Variants in PREPL observed in about 807,000 individuals in gnomAD.
PREPL encodes the protein prolyl endopeptidase-like.
PREPL carries 77 observed loss-of-function variants against 70.6 expected under a neutral mutation model. The observed-to-expected ratio is 1.09, with a 90% confidence interval of 0.91 to 1.32. The LOEUF is 1.32. Among genes scored for constraint, PREPL ranks in the 40% most tolerant of loss-of-function variants. The pLI is 0.00. For missense variants in PREPL, 1,002 were observed against 778.2 expected, an observed-to-expected ratio of 1.29 and a Z score of -3.42; for synonymous variants, 315 against 264.8, an observed-to-expected ratio of 1.19 and a Z score of -1.84.
chr2:44,333,109 A>T (rs1039044260), intron 7 of PREPL, among the ~76,000 whole-genome samples: 4 of 152,228 alleles, frequency 2.6e-5, no homozygotes, highest in Non-Finnish European at 5.9e-5. Flanking sequence ...CTGCCTGGAC[A>T]GCCACAGTGA....
chr2:44,326,750 T>C lies in PREPL; in HGVS notation c.1441A>G (p.Asn481Asp). The change falls in exon 10 of 14, where the codon AAT (asparagine) becomes GAT (aspartate). Residue 481 changes from asparagine to aspartate, a missense_variant. Physicochemically the swap from Asn to Asp is conservative, Grantham distance 23. Coordinates refer to ENST00000409411, the MANE Select transcript of PREPL (RefSeq NM_001171613.2). ...GCTCTCACCAGCTCTGGATTAGAAT[T>C]ACACAATGCTCCTGCAAGCACCCCT... is the stretch of plus-strand genomic sequence containing the variant. ...AGGVLAGALC[N>D]SNPELVRAVT... The C allele has an allele frequency of 1.2e-6, 2 of 1,614,110 alleles. No individual in the cohort carries two copies. Among genetic ancestry groups the C allele is most frequent in the Non-Finnish European group, 1.7e-6 (2 of 1,180,004 alleles).
At chr2:44,349,891 T>C (rs772443648) in intron 1 of PREPL, among the ~76,000 whole-genome samples, 1 of 152,202 alleles carries the variant, frequency 6.6e-6, no homozygotes, top group Non-Finnish European at 1.5e-5. Flanking sequence ...ATTACCAAAA[T>C]TGACCCAAGA....
At chr2:44,327,913 G>A (rs1673681847) in intron 9 of PREPL, among the ~76,000 whole-genome samples, 1 of 151,872 alleles carries the variant, frequency 6.6e-6, no homozygotes, top group Non-Finnish European at 1.5e-5. Context: ...ATTTTGGAAG[G>A]CTGAGGCGGG....
At position 44,320,097 on chromosome 2, in the gene PREPL, G is replaced by C. The variant is rs17032122; in HGVS notation, c.*1259C>G. On this transcript the variant is annotated 3_prime_UTR_variant, in exon 14 of 14. Transcript: ENST00000409411. Reference sequence around the variant, plus strand: ...TTGGCAATTATAAGGGGCAAAATTGGAGCAAGTGTTTTGGGTAAATAACTC... The same window carrying C: ...TTGGCAATTATAAGGGGCAAAATTGCAGCAAGTGTTTTGGGTAAATAACTC... 11,156 of 1,025,554 alleles carry C rather than the reference G, an allele frequency of 0.011. 826 individuals are homozygous for C. In the African/African-American group the frequency reaches 0.16, roughly 15 times the overall value. The allele number at this position is 1,025,554 out of a possible 1,614,324, so 63.5% of individuals were successfully genotyped here. A position where few individuals can be genotyped will look rare whatever the true frequency, so the allele number is the denominator to read the frequency against.
chr2:44,344,046 T>C, intron 3 of PREPL, 95 bp from the exon 4 acceptor site: 7 of 1,397,924 alleles, frequency 5.0e-6, no homozygotes, highest in Non-Finnish European at 6.6e-6. Flanking sequence ...ATTCCCATTC[T>C]GTAAGAGGCC....
chr2:44,323,798 G>C (rs79537401), intron 10 of PREPL, among the ~76,000 whole-genome samples: 9,530 of 152,238 alleles, frequency 0.063, 350 homozygotes, highest in East Asian at 0.11. Flanking sequence ...GTAATGTGGA[G>C]AAACCGGAAT....
chr2:44,334,519 G>T (rs1674439379), intron 7 of PREPL, among the ~76,000 whole-genome samples: 1 of 152,020 alleles, frequency 6.6e-6, no homozygotes. Flanking sequence ...ATATGTGAAG[G>T]GTTTTACATT....
intron 12 of PREPL, 66 bp from the exon 13 acceptor site, chr2:44,321,966 C>A: frequency 6.8e-7 from 1 of 1,460,260 alleles, no homozygotes; most frequent in South Asian, 1.3e-5. Flanking sequence ...GATCGAGACC[C>A]ATTCCTCCCC....
At chr2:44,358,517 A>G (rs756288113) in intron 1 of PREPL, among the ~76,000 whole-genome samples, 10 of 152,196 alleles carry the variant, frequency 6.6e-5, no homozygotes, top group Non-Finnish European at 1.3e-4. Context: ...GGGATGTCAA[A>G]GCAGCAGCAG....
In PREPL at chr2:44,332,574, C is replaced by T. The variant is rs374093145; in HGVS notation, c.971G>A (p.Arg324His). ...CTTGTATGTGTAATATTTTGGGGGACGTATTGGAGAGCAAAGTTGAAAGGG... is the reference window on the plus strand; with the variant it reads ...CTTGTATGTGTAATATTTTGGGGGATGTATTGGAGAGCAAAGTTGAAAGGG... ...NCPFQLCSPI[R>H]PPKYYTYKFA... Residue 324 changes from arginine to histidine, a missense_variant, in exon 8 of 14, where the codon CGT (arginine) becomes CAT (histidine). Transcript: ENST00000409411. 1.9e-6 allele frequency: 3 copies of T among 1,613,482 alleles called. No individual in the cohort carries two copies. Among genetic ancestry groups the T allele is most frequent in the Admixed American group, 1.7e-5 (1 of 59,982 alleles).
At chr2:44,343,530 T>C (rs574145859) in intron 4 of PREPL, among the ~76,000 whole-genome samples, 28 of 152,276 alleles carry the variant, frequency 1.8e-4, no homozygotes, top group Non-Finnish European at 3.2e-4. Flanking sequence ...ATTATAACAC[T>C]TTTAAAAACA....
At position 44,317,832 on chromosome 2, in the gene PREPL, A is replaced by G. The variant is rs1290870486; in HGVS notation, c.*3524T>C. The stretch of plus-strand genomic sequence containing the variant: ...AGGGCTTCCGAATTATGTCTAAATA[A>G]TACAATAATTACAAATATGAATGGG... On this transcript the variant is annotated 3_prime_UTR_variant, in exon 14 of 14. Coordinates refer to ENST00000409411, the MANE Select transcript of PREPL (RefSeq NM_001171613.2). The G allele has an allele frequency of 1.2e-5, 2 of 170,570 alleles. No individual in the cohort carries two copies. The highest frequency in any genetic ancestry group is 2.5e-5 in the Non-Finnish European group (2 of 78,832). The allele number at this position is 170,570 out of a possible 1,614,324, so 10.6% of individuals were successfully genotyped here.
At chr2:44,337,153 G>A (rs1317535483) in intron 7 of PREPL, among the ~76,000 whole-genome samples, 1 of 152,100 alleles carries the variant, frequency 6.6e-6, no homozygotes, top group Non-Finnish European at 1.5e-5. Context: ...ACAGTTTCCT[G>A]AACATTTTCT....
At chr2:44,356,250 A>G (rs1677029924) in intron 1 of PREPL, 1 of 152,144 alleles carries the variant, frequency 6.6e-6, no homozygotes, top group African/African-American at 2.4e-5. Context: ...ACTTCAAAAA[A>G]CAGATCTGGG....
chr2:44,332,838 T>G (rs959662292), intron 7 of PREPL, among the ~76,000 whole-genome samples, 182 bp from the exon 8 acceptor site: 1 of 152,188 alleles, frequency 6.6e-6, no homozygotes, highest in Non-Finnish European at 1.5e-5. Context: ...AAAACAAAAC[T>G]GTACATTAAT....
intron 1 of PREPL, among the ~76,000 whole-genome samples, chr2:44,354,092 G>A (rs11888777): frequency 0.079 from 12,083 of 152,082 alleles, 1,551 homozygotes; most frequent in African/African-American, 0.27. Context: ...GGAGGTTGAG[G>A]CTGCAGTAAG....
rs1330189141 is a variant in PREPL, at chr2:44,318,234, G to A, written c.*3122C>T. On this transcript the variant is annotated 3_prime_UTR_variant, in exon 14 of 14. Coordinates refer to ENST00000409411, the MANE Select transcript of PREPL (RefSeq NM_001171613.2). ...GCCTCCCAAGTAGCTGGGATTACAG[G>A]TGCACGTCATTATGCCCGGGTAATT... The A allele has an allele frequency of 2.9e-6, 1 of 344,598 alleles. No homozygotes were observed. Among genetic ancestry groups the A allele is most frequent in the Admixed American group, 3.9e-5 (1 of 25,426 alleles). The allele number at this position is 344,598 out of a possible 1,614,324, so 21.3% of individuals were successfully genotyped here.
At chr2:44,360,529 C>G (rs1284606338) in intron 1 of PREPL, 1 of 152,158 alleles carries the variant, frequency 6.6e-6, no homozygotes, top group Non-Finnish European at 1.5e-5. Context: ...CTGCAAGATG[C>G]ACAAATAAAA....
Position 44,342,462 on chromosome 2 carries a change from C to A in PREPL, c.440G>T (p.Gly147Val). Residue 147 changes from glycine to valine, a missense_variant, in exon 5 of 14, where the codon GGT becomes GTT. Physicochemically the swap from Gly to Val is moderately radical, Grantham distance 109. Transcript: ENST00000409411. ...RCHDVYRATF[G>V]DNKRNERFYT... ...AAAGCGTTCATTACGTTTGTTATCACCAAAAGTGGCTCGATATACGTCATG... is the reference window on the plus strand; with the variant it reads ...AAAGCGTTCATTACGTTTGTTATCAACAAAAGTGGCTCGATATACGTCATG... The A allele has an allele frequency of 1.2e-6, 2 of 1,613,208 alleles. No homozygotes were observed. The highest frequency in any genetic ancestry group is 2.2e-5 in the South Asian group (2 of 91,024).
Sources: allele counts gnomAD v4.1 joint callset (sites outside exome capture counted in the v4.1 genomes callset), GRCh38; gene constraint gnomAD v4.1.1; transcripts MANE v1.5; gene names NCBI Gene and HGNC (gene_info 2026-07-23, HGNC 2026-07-21).